Variants in GAS6 observed in about 807,000 individuals in gnomAD.
GAS6 encodes the protein growth arrest specific 6, also known as growth arrest-specific protein 6.
A neutral mutation model predicts 75.8 loss-of-function variants in GAS6; 41 were observed. The observed-to-expected ratio is 0.54, with a 90% confidence interval of 0.42 to 0.70. GAS6 has a LOEUF of 0.70. Among genes scored for constraint, GAS6 ranks in the 30% least tolerant of loss-of-function variants. The pLI is 0.00. For synonymous variants in GAS6, 432 were observed against 412.6 expected (o/e 1.05, Z -0.57); for missense variants, 854 against 940.2 (o/e 0.91, Z 1.20).
Position 113,863,511 on chromosome 13 carries a change from C to A in GAS6, c.255+64G>T, listed in dbSNP as rs1164013066. 6 of 1,438,552 alleles carry A rather than the reference C, an allele frequency of 4.2e-6. No homozygotes were observed. Among genetic ancestry groups the A allele is most frequent in the Admixed American group, 2.6e-5 (1 of 37,764 alleles). 89.1% of individuals were successfully genotyped at this position (1,438,552 alleles called of 1,614,324 possible). ...GGGGGGCGGCAGCAGCGCTGCCTCT[C>A]GGGAGCGGTTGGAGGCGCGCGGGCG... is the stretch of plus-strand genomic sequence containing the variant. On this transcript the variant is annotated intron_variant, in intron 2 of 14. Transcript: ENST00000327773. This position sits in a 1 kb window ranked among gnomAD's most constrained non-coding sequence, Gnocchi z 9.4.
chr13:113,823,580 G>A (rs2051490441), intron 12 of GAS6, 30 bp from the exon 13 acceptor site: 23 of 1,582,472 alleles, frequency 1.5e-5, no homozygotes, highest in Non-Finnish European at 1.9e-5. Context: ...TTATAGGGTG[G>A]TATGCACGGT....
Position 113,820,955 on chromosome 13 carries a change from T to C in GAS6, c.1946A>G (p.Asn649Ser), listed in dbSNP as rs1682215232. The C allele has an allele frequency of 6.2e-7, 1 of 1,612,592 alleles. No individual in the cohort carries two copies. Among genetic ancestry groups the C allele is most frequent in the African/African-American group, 1.3e-5 (1 of 74,932 alleles). ...FYRGCMTLEVNRRLLDLDEAA... is the reference protein window; with the variant it reads ...FYRGCMTLEVSRRLLDLDEAA... ...CTCGTCCAGGTCCAGCAGCCTCCGG[T>C]TGACCTCCAGTGTCATGCAGCCGCG... Residue 649 changes from asparagine to serine, a missense_variant, in exon 15 of 15, where the codon AAC becomes AGC. Physicochemically the swap from Asn to Ser is conservative, Grantham distance 46 (BLOSUM62 1). Coordinates refer to ENST00000327773, the MANE Select transcript of GAS6 (RefSeq NM_000820.4).
chr13:113,821,074 TG>T (rs1454930289), intron 14 of GAS6, 56 bp from the exon 15 acceptor site: 3 of 1,576,078 alleles, frequency 1.9e-6, no homozygotes, highest in Admixed American at 3.4e-5. Context: ...CGGCCCCGCC[TG>T]GCCCCCCCAC....
chr13:113,864,064 A>G lies in GAS6; in HGVS notation c.-144T>C, dbSNP rs1188266938. ...GCGGCGGCGGCGGCTGCGGCACCTCAAGCGCTCGGTCTGGGCGTGTTCGGG... is the reference window on the plus strand; with the variant it reads ...GCGGCGGCGGCGGCTGCGGCACCTCGAGCGCTCGGTCTGGGCGTGTTCGGG... On this transcript the variant is annotated 5_prime_UTR_variant, in exon 1 of 15. Transcript: ENST00000327773. 2.0e-5 allele frequency: 17 copies of G among 851,620 alleles called. No homozygotes were observed. The highest frequency in any genetic ancestry group is 5.8e-4 in the Middle Eastern group (1 of 1,716). The allele number at this position is 851,620 out of a possible 1,614,324, so 52.8% of individuals were successfully genotyped here.
chr13:113,863,839 C>T lies in GAS6; in HGVS notation c.82G>A (p.Ala28Thr). ...TCGGGCCCGCGGGACTCACCAAGCG[C>T]GCACTCCGCGGCCAGCAGCAGCAGC... The part of the protein sequence containing the change: ...LLLLLLAAEC[A>T]LAALLPAREA... The change falls in exon 1 of 15, where the codon GCG becomes ACG. Residue 28 changes from alanine (A) to threonine (T), a missense_variant. Coordinates refer to ENST00000327773, the MANE Select transcript of GAS6 (RefSeq NM_000820.4). The surrounding 1 kb of genome is among the most constrained non-coding windows in gnomAD (Gnocchi z 9.4). The T allele has an allele frequency of 7.7e-7, 1 of 1,297,666 alleles. No individual in the cohort carries two copies. Among genetic ancestry groups the T allele is most frequent in the African/African-American group, 1.6e-5 (1 of 64,148 alleles). The allele number at this position is 1,297,666 out of a possible 1,614,324, so 80.4% of individuals were successfully genotyped here. A position where few individuals can be genotyped will look rare whatever the true frequency, so the allele number is the denominator to read the frequency against.
intron 8 of GAS6, chr13:113,833,693 A>AGTGTGACAGGCAGTG (rs1157104875): frequency 1.0e-6 from 1 of 989,880 alleles, no homozygotes; most frequent in African/African-American, 1.9e-5. Flanking sequence ...GTGACAAGTC[A>AGTGTGACAGGCAGTG]GTGTGACAGG....
At position 113,820,560 on chromosome 13, in the gene GAS6, T is replaced by G. The variant is rs1321226292; in HGVS notation, c.*304A>C. ...ACGGCCACGCGGTGTTACAAAGCTTTCTGTAAATATTTTATTTTCCATATT... is the reference window on the plus strand; with the variant it reads ...ACGGCCACGCGGTGTTACAAAGCTTGCTGTAAATATTTTATTTTCCATATT... On this transcript the variant is annotated 3_prime_UTR_variant, in exon 15 of 15. Coordinates refer to ENST00000327773, the MANE Select transcript of GAS6 (RefSeq NM_000820.4). 40 of 380,688 alleles carry G rather than the reference T, an allele frequency of 1.1e-4. No homozygotes were observed. The highest frequency in any genetic ancestry group is 8.6e-4 in the Admixed American group (22 of 25,678). 23.6% of individuals were successfully genotyped at this position (380,688 alleles called of 1,614,324 possible).
intron 2 of GAS6, among the ~76,000 whole-genome samples, chr13:113,849,907 A>G (rs936985566): frequency 2.6e-5 from 4 of 152,252 alleles, no homozygotes; most frequent in African/African-American, 9.6e-5. Context: ...TGGTTAAACC[A>G]TGAGCAAGAG....
At chr13:113,824,713 T>A (rs1322883741) in intron 12 of GAS6, among the ~76,000 whole-genome samples, 3 of 152,046 alleles carry the variant, frequency 2.0e-5, no homozygotes, top group Admixed American at 1.3e-4. Flanking sequence ...CCCACGGGGC[T>A]GTGTACGCCT....
chr13:113,831,774 C>T (rs916667739), intron 10 of GAS6, among the ~76,000 whole-genome samples: 7 of 145,024 alleles, frequency 4.8e-5, no homozygotes, highest in East Asian at 2.1e-4. Context: ...ATGAACTAAA[C>T]GGGGCAGGGG....
intron 8 of GAS6, chr13:113,833,018 T>G: frequency 4.4e-6 from 6 of 1,364,724 alleles, no homozygotes; most frequent in Non-Finnish European, 5.7e-6. Context: ...CTTGACCCTT[T>G]ATTTTTAAAT....
intron 2 of GAS6, among the ~76,000 whole-genome samples, chr13:113,853,607 G>C (rs185986728): frequency 3.4e-4 from 52 of 152,336 alleles, no homozygotes; most frequent in African/African-American, 1.2e-3. Flanking sequence ...GGTGGAGACT[G>C]CTGAGCACAG....
At chr13:113,834,427 C>T (rs1205723376) in intron 8 of GAS6, 124 bp downstream of exon 8, 1 of 1,025,208 alleles carries the variant, frequency 9.8e-7, no homozygotes, top group Non-Finnish European at 1.3e-6. Context: ...CTCCACATGG[C>T]CCTGGAGATC....
chr13:113,860,609 T>C (rs2051963417), intron 2 of GAS6, among the ~76,000 whole-genome samples: 1 of 151,888 alleles, frequency 6.6e-6, no homozygotes, highest in Non-Finnish European at 1.5e-5. Flanking sequence ...AATTAGAAAC[T>C]CGGGCAAGGA....
rs750488474 is a variant in GAS6, at chr13:113,823,394, G to A, written c.1634C>T (p.Thr545Met). 9.3e-6 allele frequency: 15 copies of A among 1,611,462 alleles called. 2 individuals are homozygous for A. Among genetic ancestry groups the A allele is most frequent in the Middle Eastern group, 3.3e-4 (2 of 6,056 alleles). The stretch of plus-strand genomic sequence containing the variant: ...CCCTACCTGCTTCTTGAGTTTCTTC[G>A]TGGAGTGATAGTCTACCAGTGCCAC... ...LSVALVDYHS[T>M]KKLKKQLVVL... Residue 545 changes from threonine (T) to methionine (M), a missense_variant, in exon 13 of 15, where the codon ACG (threonine) becomes ATG (methionine). Transcript: ENST00000327773.
chr13:113,841,944 A>G (rs2051786401), intron 4 of GAS6: 1 of 135,938 alleles, frequency 7.4e-6, no homozygotes, highest in Non-Finnish European at 1.6e-5. Context: ...TTTCTTCCAT[A>G]CACCCCACAG....
Position 113,820,930 on chromosome 13 carries a change from C to T in GAS6, c.1971G>A (p.Glu657=). ...TGATGTCGCTGTGCTTGTACGCCGC[C>T]TCGTCCAGGTCCAGCAGCCTCCGGT... ...EVNRRLLDLD[E]AAYKHSDITA... is the part of the protein sequence containing the mutation. Residue 657 remains glutamate (E), a synonymous_variant, in exon 15 of 15, where the codon GAG becomes GAA. Coordinates refer to ENST00000327773, the MANE Select transcript of GAS6 (RefSeq NM_000820.4). 6.2e-7 allele frequency: 1 copy of T among 1,612,580 alleles called. No individual in the cohort carries two copies. Among genetic ancestry groups the T allele is most frequent in the Non-Finnish European group, 8.5e-7 (1 of 1,179,910 alleles).
At chr13:113,842,554 G>C (rs1385779126) in intron 4 of GAS6, 1 of 396,768 alleles carries the variant, frequency 2.5e-6, no homozygotes, top group African/African-American at 2.1e-5. Flanking sequence ...AGCAGGGCCT[G>C]GAACGGGGAG....
At chr13:113,851,090 AGTGG>A (rs1235793078) in intron 2 of GAS6, among the ~76,000 whole-genome samples, 5 of 151,160 alleles carry the variant, frequency 3.3e-5, no homozygotes, top group African/African-American at 9.8e-5. Context: ...TGGATGGATG[AGTGG>A]GTGGATGAAA....
Sources: gnomAD v4.1 joint callset for allele counts (sites outside exome capture counted in the v4.1 genomes callset) on GRCh38, gnomAD v4.1.1 for gene constraint, Gnocchi (gnomAD v3.1) non-coding constraint, MANE v1.5 for transcripts, NCBI Gene and HGNC (gene_info 2026-07-23, HGNC 2026-07-21) for gene names.